The following UBE2O variants were observed in gnomAD, a reference collection of about 807,000 sequenced individuals.
The protein encoded by UBE2O is (E3-independent) E2 ubiquitin-conjugating enzyme.
A neutral mutation model predicts 125.8 loss-of-function variants in UBE2O; 15 were observed. The observed-to-expected ratio is 0.12, with a 90% confidence interval of 0.08 to 0.18. The LOEUF is 0.18. Ranked by LOEUF, UBE2O falls within the 10% of genes least tolerant of loss-of-function variation. UBE2O has a pLI of 1.00. For synonymous variants in UBE2O, 708 were observed against 703.2 expected, an observed-to-expected ratio of 1.01 and a Z score of -0.11; for missense variants, 1,280 against 1,723.6, an observed-to-expected ratio of 0.74 and a Z score of 4.56.
At chr17:76,418,375 G>A (rs558045861) in intron 1 of UBE2O, among the ~76,000 whole-genome samples, 1 of 152,306 alleles carries the variant, frequency 6.6e-6, no homozygotes, top group African/African-American at 2.4e-5. Flanking sequence ...CCTCTTCCAG[G>A]AGCCATGCCT....
rs2143677983 is a variant in UBE2O, at chr17:76,395,189, T to A, written c.2946+536A>T. On this transcript the variant is annotated intron_variant, in intron 15 of 17. Transcript: ENST00000319380. This position sits in a 1 kb window ranked among gnomAD's most constrained non-coding sequence, Gnocchi z 5.0. ...CCGCACCCGGCCTATTTCAAAGTAA[T>A]TTTTTTTTTTGAGACAGAATCTCGC... Among the ~76,000 whole-genome samples the A allele has an allele frequency of 6.9e-6, 1 of 145,152 alleles. No homozygotes were observed. Among genetic ancestry groups the A allele is most frequent in the South Asian group, 2.2e-4 (1 of 4,640 alleles).
intron 1 of UBE2O, among the ~76,000 whole-genome samples, chr17:76,443,639 G>A (rs1271608559): frequency 6.6e-6 from 1 of 151,846 alleles, no homozygotes; most frequent in African/African-American, 2.4e-5. Flanking sequence ...GGGAAGGGCA[G>A]TCACAATCAC....
chr17:76,398,156 A>G lies in UBE2O; in HGVS notation c.2025+99T>C, dbSNP rs545525187. The stretch of plus-strand genomic sequence containing the variant: ...AGGACACTGAGCCCAGAGGACTTTC[A>G]GGTCTTGTCTCCTAGAGCCACCTGG... On this transcript the variant is annotated intron_variant, in intron 12 of 17. Transcript: ENST00000319380. The surrounding 1 kb of genome is among the most constrained non-coding windows in gnomAD (Gnocchi z 5.4). 3.9e-5 allele frequency: 60 copies of G among 1,535,312 alleles called. No individual in the cohort carries two copies. The African/African-American group carries it at 6.9e-4, about 18-fold the overall frequency.
At chr17:76,413,786 A>ACC (rs2072555287) in intron 1 of UBE2O, among the ~76,000 whole-genome samples, 2 of 152,130 alleles carry the variant, frequency 1.3e-5, no homozygotes, top group African/African-American at 4.8e-5. Context: ...AAAACCCAAG[A>ACC]CCCACACAGT....
Position 76,398,021 on chromosome 17 carries a change from A to T in UBE2O, c.2026-133T>A. 1 of 1,066,860 alleles carries T rather than the reference A, an allele frequency of 9.4e-7. No homozygotes were observed. Among genetic ancestry groups the T allele is most frequent in the Non-Finnish European group, 1.4e-6 (1 of 729,638 alleles). The allele number at this position is 1,066,860 out of a possible 1,614,324, so 66.1% of individuals were successfully genotyped here. ...GGAACTTAGCTCCTCTGGTAAATGT[A>T]ACCAGCGGCAGCTCAAGAAGCCTGA... On this transcript the variant is annotated intron_variant, in intron 12 of 17. Coordinates refer to ENST00000319380, the MANE Select transcript of UBE2O (RefSeq NM_022066.4). This position sits in a 1 kb window ranked among gnomAD's most constrained non-coding sequence, Gnocchi z 5.4.
intron 5 of UBE2O, 53 bp from the exon 6 acceptor site, chr17:76,401,207 G>A (rs1336526781): frequency 6.3e-7 from 1 of 1,594,506 alleles, no homozygotes; most frequent in Non-Finnish European, 8.6e-7. Flanking sequence ...CTCCATGGGT[G>A]ACCATGCTCT....
At chr17:76,450,611 AGTT>A (rs1156877773) in intron 1 of UBE2O, among the ~76,000 whole-genome samples, 7 of 151,412 alleles carry the variant, frequency 4.6e-5, no homozygotes, top group Non-Finnish European at 8.8e-5. Flanking sequence ...GGTGCCTCAA[AGTT>A]GTTGTTTTTT....
rs1433351753 is a variant in UBE2O, at chr17:76,405,514, G to A, written c.476C>T (p.Thr159Ile). 3.8e-6 allele frequency: 6 copies of A among 1,597,446 alleles called. No individual in the cohort carries two copies. Among genetic ancestry groups the A allele is most frequent in the African/African-American group, 2.7e-5 (2 of 74,808 alleles). The change falls in exon 2 of 18, where the codon ACC (threonine) becomes ATC (isoleucine). Residue 159 changes from threonine to isoleucine, a missense_variant and splice_region_variant. Physicochemically the swap from Thr to Ile is moderately conservative, Grantham distance 89. Coordinates refer to ENST00000319380, the MANE Select transcript of UBE2O (RefSeq NM_022066.4). This position sits in a 1 kb window ranked among gnomAD's most constrained non-coding sequence, Gnocchi z 6.1. ...CTGGGGTGGGGACGCAGGACTCACGGTGGATCGCATGTGCCGGACCACATC... is the reference window on the plus strand; with the variant it reads ...CTGGGGTGGGGACGCAGGACTCACGATGGATCGCATGTGCCGGACCACATC... ...PRDVVRHMRS[T>I]DSQCGTVIDV...
intron 1 of UBE2O, among the ~76,000 whole-genome samples, chr17:76,415,795 CTGTGTGTGTGTGTG>C (rs34127040): frequency 3.1e-4 from 44 of 143,282 alleles, no homozygotes; most frequent in East Asian, 1.9e-3. Flanking sequence ...CAGAGCAAGA[CTGTGTGTGTGTGTG>C]TGTGTGTGTG....
intron 1 of UBE2O, among the ~76,000 whole-genome samples, chr17:76,443,800 T>G (rs1052537186): frequency 6.6e-6 from 1 of 151,866 alleles, no homozygotes; most frequent in Non-Finnish European, 1.5e-5. Context: ...GAGGAAGAGA[T>G]AAAGAAAAGA....
intron 5 of UBE2O, among the ~76,000 whole-genome samples, chr17:76,401,492 T>C (rs556036064): frequency 3.9e-5 from 6 of 152,298 alleles, no homozygotes; most frequent in Non-Finnish European, 8.8e-5. Context: ...TGTGTGTCCA[T>C]GTACTATTGT....
rs534777947 is a variant in UBE2O at position 76,391,112 on chromosome 17, C to T, written c.3710G>A (p.Arg1237Gln). The change falls in exon 18 of 18, where the codon CGG becomes CAG. Residue 1237 changes from arginine (R) to glutamine (Q), a missense_variant. Coordinates refer to ENST00000319380, the MANE Select transcript of UBE2O (RefSeq NM_022066.4). This position sits in a 1 kb window ranked among gnomAD's most constrained non-coding sequence, Gnocchi z 8.4. ...TAAGAAGCTCCGGTAGCTCTTTCTC[C>T]GCTTCTTTGGTTTCACACTGGGTGG... ...SVPPSVKPKK[R>Q]RKSYRSFLPE... 2.0e-5 allele frequency: 32 copies of T among 1,614,040 alleles called. No individual in the cohort carries two copies. The highest frequency in any genetic ancestry group is 2.5e-5 in the Non-Finnish European group (30 of 1,180,050).
chr17:76,427,731 A>ATT (rs2072835222), intron 1 of UBE2O, among the ~76,000 whole-genome samples: 1 of 152,242 alleles, frequency 6.6e-6, no homozygotes, highest in Admixed American at 6.5e-5. Flanking sequence ...TAGAACTTGG[A>ATT]TGTTTTCCAC....
intron 1 of UBE2O, among the ~76,000 whole-genome samples, chr17:76,417,627 G>A (rs1442686184): frequency 6.6e-6 from 1 of 152,190 alleles, no homozygotes; most frequent in African/African-American, 2.4e-5. Flanking sequence ...TGCACTGGGT[G>A]GCTGAACTGA....
At chr17:76,424,211 T>C (rs958906274) in intron 1 of UBE2O, among the ~76,000 whole-genome samples, 2 of 146,134 alleles carry the variant, frequency 1.4e-5, no homozygotes, top group Admixed American at 1.4e-4. Context: ...CCCGGCCTTT[T>C]TTTTTTTTTT....
intron 15 of UBE2O, among the ~76,000 whole-genome samples, chr17:76,394,122 G>C (rs2072163038): frequency 1.3e-5 from 2 of 152,370 alleles, no homozygotes; most frequent in South Asian, 4.1e-4. Flanking sequence ...GCCTAGCCCT[G>C]TTCCAGGGTT....
intron 1 of UBE2O, among the ~76,000 whole-genome samples, chr17:76,436,050 T>C (rs909402902): frequency 1.3e-5 from 2 of 152,158 alleles, no homozygotes; most frequent in African/African-American, 4.8e-5. Flanking sequence ...AGTATGAGAC[T>C]AGCCTGGGCA....
At chr17:76,428,241 T>C (rs1278101409) in intron 1 of UBE2O, among the ~76,000 whole-genome samples, 4 of 152,238 alleles carry the variant, frequency 2.6e-5, no homozygotes, top group African/African-American at 9.6e-5. Context: ...TTATGCCCAG[T>C]GCTCTGGAAT....
intron 1 of UBE2O, among the ~76,000 whole-genome samples, chr17:76,429,612 T>C (rs1031594354): frequency 7.1e-6 from 1 of 141,586 alleles, no homozygotes; most frequent in Non-Finnish European, 1.5e-5. Context: ...CCTGTGAACA[T>C]AAGCAAGGCT....
Sources: allele counts gnomAD v4.1 joint callset (sites outside exome capture counted in the v4.1 genomes callset), GRCh38; gene constraint gnomAD v4.1.1; non-coding constraint Gnocchi (gnomAD v3.1); transcripts MANE v1.5; gene names NCBI Gene and HGNC (gene_info 2026-07-23, HGNC 2026-07-21).